ARHGAP24: variants seen among roughly 807,000 people sequenced by gnomAD.
The protein encoded by ARHGAP24 is Rho GTPase activating protein 24.
A neutral mutation model predicts 76.4 loss-of-function variants in ARHGAP24; 50 were observed. The observed-to-expected ratio is 0.65, with a 90% CI of 0.52 to 0.83. The LOEUF is 0.83. Among genes scored for constraint, ARHGAP24 ranks in the 40% least tolerant of loss-of-function variants. ARHGAP24 has a pLI of 0.00. For synonymous variants in ARHGAP24, 345 were observed against 323.3 expected (o/e 1.07, Z -0.72); for missense variants, 930 against 914.2 (o/e 1.02, Z -0.22).
At chr4:85,504,863 G>A (rs1233314461) in intron 1 of ARHGAP24, among the ~76,000 whole-genome samples, 1 of 152,196 alleles carries the variant, frequency 6.6e-6, no homozygotes, top group Non-Finnish European at 1.5e-5. Flanking sequence ...GGCACCAGTT[G>A]TTCCTTTCCA....
chr4:85,510,762 TTCC>T (rs781429058), intron 1 of ARHGAP24, among the ~76,000 whole-genome samples: 3 of 150,024 alleles, frequency 2.0e-5, no homozygotes, highest in African/African-American at 2.5e-5. Context: ...CTTTAATACA[TTCC>T]TCCTCCTCCT....
intron 2 of ARHGAP24, among the ~76,000 whole-genome samples, chr4:85,622,384 A>G (rs538306775): frequency 1.8e-3 from 267 of 151,468 alleles, no homozygotes; most frequent in Non-Finnish European, 2.9e-3. Flanking sequence ...GCTGAGAATG[A>G]TGGTTTCCAG....
chr4:85,997,822 AT>A (rs34276670), intron 9 of ARHGAP24, among the ~76,000 whole-genome samples: 45,482 of 149,176 alleles, frequency 0.3, 7,636 homozygotes, highest in African/African-American at 0.46. Flanking sequence ...TGACTGGATA[AT>A]TTTTTTTTTT....
At chr4:85,640,596 C>CT (rs1263744029) in intron 2 of ARHGAP24, among the ~76,000 whole-genome samples, 1 of 152,174 alleles carries the variant, frequency 6.6e-6, no homozygotes, top group Non-Finnish European at 1.5e-5. Flanking sequence ...TATTGAAACT[C>CT]TACCAGGTCT....
intron 3 of ARHGAP24, among the ~76,000 whole-genome samples, chr4:85,787,248 C>T (rs1727886240): frequency 6.6e-6 from 1 of 152,182 alleles, no homozygotes; most frequent in South Asian, 2.1e-4. Context: ...ATATTCCAGG[C>T]CTTTGCTCTC....
intron 7 of ARHGAP24, among the ~76,000 whole-genome samples, chr4:85,976,580 G>C (rs960118537): frequency 6.6e-6 from 1 of 151,998 alleles, no homozygotes; most frequent in Non-Finnish European, 1.5e-5. Context: ...AGTACAATTA[G>C]CAAGCCATGA....
chr4:85,721,878 T>A lies in ARHGAP24; in HGVS notation c.181-7T>A. The A allele has an allele frequency of 6.2e-7, 1 of 1,612,520 alleles. No homozygotes were observed. The highest frequency in any genetic ancestry group is 8.5e-7 in the Non-Finnish European group (1 of 1,178,834). ...GATGTTGATGTTTTGGGTATTTGTT[T>A]TCACAGGGTACTATTTTTCTGCCTG... On this transcript the variant is annotated splice_polypyrimidine_tract_variant and splice_region_variant and intron_variant, in intron 2 of 9. Coordinates refer to ENST00000395184, the MANE Select transcript of ARHGAP24 (RefSeq NM_001025616.3).
chr4:85,482,376 G>C (rs1001076165), intron 1 of ARHGAP24, among the ~76,000 whole-genome samples: 1 of 152,118 alleles, frequency 6.6e-6, no homozygotes, highest in Non-Finnish European at 1.5e-5. Flanking sequence ...CTTTCATCGT[G>C]GGATAACTTT....
chr4:85,651,862 T>A (rs1474306359), intron 2 of ARHGAP24, among the ~76,000 whole-genome samples: 1 of 152,110 alleles, frequency 6.6e-6, no homozygotes, highest in East Asian at 1.9e-4. Context: ...GTGAGTGATT[T>A]TATTTAAATG....
intron 2 of ARHGAP24, among the ~76,000 whole-genome samples, chr4:85,718,494 A>T (rs1015132581): frequency 2.6e-5 from 4 of 152,074 alleles, no homozygotes; most frequent in African/African-American, 9.7e-5. Context: ...CATTTTCAAC[A>T]CTATAAATAT....
intron 2 of ARHGAP24, among the ~76,000 whole-genome samples, chr4:85,677,209 T>G (rs1241112080): frequency 6.6e-6 from 1 of 152,240 alleles, no homozygotes; most frequent in East Asian, 1.9e-4. Flanking sequence ...TCTCTCTTTA[T>G]CCTCCTCACA....
At chr4:85,635,089 A>G (rs1208663380) in intron 2 of ARHGAP24, among the ~76,000 whole-genome samples, 1 of 151,914 alleles carries the variant, frequency 6.6e-6, no homozygotes, top group African/African-American at 2.4e-5. Context: ...TTTTTATTTC[A>G]TAAAGATTTT....
chr4:85,830,730 C>T (rs1017954676), intron 3 of ARHGAP24, among the ~76,000 whole-genome samples: 2 of 152,156 alleles, frequency 1.3e-5, no homozygotes, highest in Non-Finnish European at 2.9e-5. Flanking sequence ...AGAGAAGAAA[C>T]CTGGAGAGCA....
intron 9 of ARHGAP24, among the ~76,000 whole-genome samples, chr4:85,996,791 G>A (rs950909220): frequency 6.6e-6 from 1 of 152,020 alleles, no homozygotes; most frequent in Non-Finnish European, 1.5e-5. Flanking sequence ...GTAGTTTTTG[G>A]AACCACTATG....
At chr4:85,630,708 A>G (rs765692270) in intron 2 of ARHGAP24, among the ~76,000 whole-genome samples, 1 of 152,034 alleles carries the variant, frequency 6.6e-6, no homozygotes, top group Admixed American at 6.6e-5. Flanking sequence ...TACTCTATCT[A>G]ACATTGTACA....
intron 2 of ARHGAP24, among the ~76,000 whole-genome samples, chr4:85,630,184 A>G (rs1228677255): frequency 6.6e-6 from 1 of 152,136 alleles, no homozygotes; most frequent in African/African-American, 2.4e-5. Flanking sequence ...GCTATAGAAT[A>G]TCTGGTTGGT....
intron 1 of ARHGAP24, among the ~76,000 whole-genome samples, chr4:85,564,504 C>T (rs1263176986): frequency 2.0e-5 from 3 of 150,956 alleles, no homozygotes; most frequent in Non-Finnish European, 4.4e-5. Flanking sequence ...AACAAACCTG[C>T]ATGTTGTGCA....
Position 85,749,637 on chromosome 4 carries a change from T to A in ARHGAP24, c.268+27665T>A, listed in dbSNP as rs193042016. Among the ~76,000 whole-genome samples the A allele has an allele frequency of 3.5e-3, 532 of 152,258 alleles. 7 individuals carry two copies. Among genetic ancestry groups the A allele is most frequent in the African/African-American group, 0.012 (515 of 41,546 alleles). On this transcript the variant is annotated intron_variant, in intron 3 of 9. Transcript: ENST00000395184. ...CCCAGGCTGGAGTGCAGTGGTGCAGTCTTGGCCCACTGCAACCTCCCAGGT... is the reference window on the plus strand; with the variant it reads ...CCCAGGCTGGAGTGCAGTGGTGCAGACTTGGCCCACTGCAACCTCCCAGGT...
chr4:85,646,020 C>A (rs560221943), intron 2 of ARHGAP24, among the ~76,000 whole-genome samples: 28 of 152,092 alleles, frequency 1.8e-4, no homozygotes, highest in African/African-American at 6.3e-4. Flanking sequence ...AAATGACATA[C>A]TGCAATTATC....
Sources: allele counts gnomAD v4.1 joint callset (sites outside exome capture counted in the v4.1 genomes callset), GRCh38; gene constraint gnomAD v4.1.1; transcripts MANE v1.5; gene names NCBI Gene and HGNC (gene_info 2026-07-23, HGNC 2026-07-21).